Variants in SIK2 observed in about 807,000 individuals in gnomAD.
SIK2 encodes serine/threonine-protein kinase SIK2.
SIK2 carries 29 observed loss-of-function variants against 103.2 expected under a neutral mutation model. The observed-to-expected ratio is 0.28, with a 90% confidence interval of 0.21 to 0.38. The LOEUF (loss-of-function observed/expected upper bound fraction) is 0.38, where lower values mean the gene tolerates loss of function less well. SIK2 is among the 10% of genes least tolerant of loss of function. The pLI is 1.00. For synonymous variants in SIK2, 412 were observed against 446.1 expected, an observed-to-expected ratio of 0.92 and a Z score of 0.96; for missense variants, 879 against 1,171.0, an observed-to-expected ratio of 0.75 and a Z score of 3.64.
rs199582345 is a variant in SIK2 at position 111,723,965 on chromosome 11, C to T, written c.2617C>T (p.Gln873Ter). The T allele has an allele frequency of 6.2e-7, 1 of 1,614,164 alleles. No homozygotes were observed. The highest frequency in any genetic ancestry group is 8.5e-7 in the Non-Finnish European group (1 of 1,180,010). The change falls in exon 15 of 15, where the codon CAG becomes TAG. Residue 873 changes from glutamine to a stop codon, truncating the protein, a stop_gained. Coordinates refer to ENST00000304987, the MANE Select transcript of SIK2 (RefSeq NM_015191.3). LOFTEE classifies it high-confidence loss of function. ...TPCQYPVDGA[Q>*]QSDLTGPDCP... ...CTGTCAGTATCCTGTGGATGGAGCC[C>T]AGCAGAGCGACCTAACGGGGCCAGA...
intron 7 of SIK2, 34 bp downstream of exon 7, chr11:111,703,457 A>C (rs1157656713): frequency 6.3e-7 from 1 of 1,589,522 alleles, no homozygotes; most frequent in South Asian, 1.1e-5. Flanking sequence ...GTTCTACTGC[A>C]CTTAGCTACT....
rs1944159883 is a variant in SIK2 at position 111,730,657 on chromosome 11, C to T, written c.*6528C>T. 1 of 150,836 alleles carries T rather than the reference C, an allele frequency of 6.6e-6. No homozygotes were observed. The highest frequency in any genetic ancestry group is 2.4e-5 in the African/African-American group (1 of 40,946). The allele number at this position is 150,836 out of a possible 1,614,324, so 9.3% of individuals were successfully genotyped here. A position where few individuals can be genotyped will look rare whatever the true frequency, so the allele number is the denominator to read the frequency against. On this transcript the variant is annotated 3_prime_UTR_variant, in exon 15 of 15. Transcript: ENST00000304987. ...TAGCTTTGGTATTATGAGTGCAAATCATAATAGCTCCAATGTGAAAAAAAA... is the reference window on the plus strand; with the variant it reads ...TAGCTTTGGTATTATGAGTGCAAATTATAATAGCTCCAATGTGAAAAAAAA...
At chr11:111,642,774 G>A (rs1272594866) in intron 3 of SIK2, among the ~76,000 whole-genome samples, 1 of 146,398 alleles carries the variant, frequency 6.8e-6, no homozygotes, top group African/African-American at 2.7e-5. Context: ...AAGTGTCTGG[G>A]GACTCACCAC....
intron 4 of SIK2, among the ~76,000 whole-genome samples, chr11:111,692,418 T>G (rs1022385635): frequency 8.5e-4 from 87 of 102,804 alleles, no homozygotes; most frequent in African/African-American, 2.8e-3. Flanking sequence ...GAGAGAGAGA[T>G]AGAGATCGAG....
intron 3 of SIK2, among the ~76,000 whole-genome samples, chr11:111,660,929 G>T (rs1942459963): frequency 6.9e-6 from 1 of 144,816 alleles, no homozygotes; most frequent in South Asian, 2.2e-4. Flanking sequence ...TGAACTCCTG[G>T]CCTCAAGTGA....
rs149149672 is a variant in SIK2, at chr11:111,727,528, A to AC, written c.*3406dup. 3,488 of 164,512 alleles carry AC rather than the reference A, an allele frequency of 0.021. 49 individuals carry two copies. Among genetic ancestry groups the AC allele is most frequent in the Middle Eastern group, 0.063 (20 of 318 alleles). 10.2% of individuals were successfully genotyped at this position (164,512 alleles called of 1,614,324 possible). On this transcript the variant is annotated 3_prime_UTR_variant, in exon 15 of 15. Transcript: ENST00000304987. ...GCATTTTGATGGGGAGCAAGGGGGGACCCCCCCTGTAGGAGTATCGGCCTC... is the reference window on the plus strand; with the variant it reads ...GCATTTTGATGGGGAGCAAGGGGGGACCCCCCCCTGTAGGAGTATCGGCCTC...
chr11:111,662,728 A>T (rs1942483484), intron 3 of SIK2, among the ~76,000 whole-genome samples: 1 of 151,488 alleles, frequency 6.6e-6, no homozygotes, highest in South Asian at 2.1e-4. Context: ...GATACAAAAT[A>T]GTAGCTGGGC....
At chr11:111,716,806 T>TA (rs1213633334) in intron 9 of SIK2, among the ~76,000 whole-genome samples, 2 of 151,806 alleles carry the variant, frequency 1.3e-5, no homozygotes, top group Non-Finnish European at 2.9e-5. Flanking sequence ...ATATTAAGGA[T>TA]AAAAAAAGAA....
rs757274644 is a variant in SIK2, at chr11:111,723,762, C to T, written c.2414C>T (p.Thr805Ile). 1.3e-5 allele frequency: 21 copies of T among 1,614,000 alleles called. No individual in the cohort carries two copies. The Admixed American group carries it at 3.3e-4, about 26-fold the overall frequency. ...ATGCAGCTTCAGCCCCTGCCCTCCA[C>T]TTCCGGTCCCCGGGCTGCTCCTCCT... is the stretch of plus-strand genomic sequence containing the variant. ...QEMQLQPLPS[T>I]SGPRAAPPLP... Residue 805 changes from threonine to isoleucine, a missense_variant, in exon 15 of 15, where the codon ACT (threonine) becomes ATT (isoleucine). By Grantham distance (89) the Thr-to-Ile change is moderately conservative. This residue lies in a region of SIK2 where 375 missense variants were observed against 416.3 expected (regional missense o/e 0.90). Transcript: ENST00000304987.
Position 111,729,163 on chromosome 11 carries a change from G to C in SIK2, c.*5034G>C, listed in dbSNP as rs546430724. On this transcript the variant is annotated 3_prime_UTR_variant, in exon 15 of 15. Coordinates refer to ENST00000304987, the MANE Select transcript of SIK2 (RefSeq NM_015191.3). ...TACCATTTTTGTCCTAATTAAGGTAGCCTAGCTGATTCTAGAAGACAGCCA... is the reference window on the plus strand; with the variant it reads ...TACCATTTTTGTCCTAATTAAGGTACCCTAGCTGATTCTAGAAGACAGCCA... 5 of 152,186 alleles carry C rather than the reference G, an allele frequency of 3.3e-5. No homozygotes were observed. Among genetic ancestry groups the C allele is most frequent in the Non-Finnish European group, 7.3e-5 (5 of 68,046 alleles). 9.4% of individuals were successfully genotyped at this position (152,186 alleles called of 1,614,324 possible).
intron 11 of SIK2, 49 bp from the exon 12 acceptor site, chr11:111,720,850 A>G: frequency 6.3e-7 from 1 of 1,594,064 alleles, no homozygotes; most frequent in Non-Finnish European, 8.5e-7. Context: ...TGGTCACTGA[A>G]AGGCCTTGTA....
chr11:111,718,081 A>G (rs75014397), intron 9 of SIK2, among the ~76,000 whole-genome samples: 4 of 151,634 alleles, frequency 2.6e-5, no homozygotes, highest in Non-Finnish European at 2.9e-5. Context: ...AAAATTGAAG[A>G]AAAAAAAAGA....
chr11:111,611,119 C>T (rs982165499), intron 1 of SIK2, among the ~76,000 whole-genome samples: 3 of 140,406 alleles, frequency 2.1e-5, no homozygotes, highest in South Asian at 2.2e-4. Context: ...TGTGTGTGTG[C>T]ACACCTGTAG....
chr11:111,708,524 T>C (rs988112083), intron 8 of SIK2, among the ~76,000 whole-genome samples: 2 of 152,174 alleles, frequency 1.3e-5, no homozygotes, highest in Non-Finnish European at 2.9e-5. Flanking sequence ...TTGAGACTAT[T>C]TAGAAAAAAT....
intron 9 of SIK2, among the ~76,000 whole-genome samples, chr11:111,718,542 G>A (rs1943711324): frequency 6.6e-6 from 1 of 152,184 alleles, no homozygotes; most frequent in South Asian, 2.1e-4. Flanking sequence ...AGCCCAGAAT[G>A]GATTTTATGG....
At chr11:111,636,214 G>T (rs537395481) in intron 3 of SIK2, among the ~76,000 whole-genome samples, 26 of 152,124 alleles carry the variant, frequency 1.7e-4, no homozygotes, top group Admixed American at 3.9e-4. Context: ...TTCTCGCTTT[G>T]GTGAATGTCT....
intron 1 of SIK2, among the ~76,000 whole-genome samples, chr11:111,613,440 T>A (rs1184789411): frequency 6.6e-6 from 1 of 152,186 alleles, no homozygotes; most frequent in Non-Finnish European, 1.5e-5. Flanking sequence ...AAAATATGCA[T>A]GTCCGTGAAA....
chr11:111,704,674 G>C (rs1943299563), intron 7 of SIK2, among the ~76,000 whole-genome samples: 1 of 152,170 alleles, frequency 6.6e-6, no homozygotes, highest in African/African-American at 2.4e-5. Context: ...GGGGCCATAT[G>C]GCAGCATTGG....
chr11:111,642,089 C>G (rs1316271807), intron 3 of SIK2, among the ~76,000 whole-genome samples: 3 of 152,154 alleles, frequency 2.0e-5, no homozygotes, highest in Admixed American at 1.3e-4. Context: ...TTGCCATCAC[C>G]CTTCTGAACG....
Sources: gnomAD v4.1 joint callset for allele counts (sites outside exome capture counted in the v4.1 genomes callset) on GRCh38, gnomAD v4.1.1 for gene constraint, gnomAD v4.1.1 regional missense constraint, MANE v1.5 for transcripts, NCBI Gene and HGNC (gene_info 2026-07-23, HGNC 2026-07-21) for gene names.